CDKN2B-AS1: variants seen among roughly 807,000 people sequenced by gnomAD.
CDKN2B-AS1 encodes the protein CDKN2B antisense RNA 1 (non-protein coding).
intron 1 of CDKN2B-AS1, chr9:22,004,026 CCT>C (rs1821048892): frequency 4.3e-6 from 1 of 232,592 alleles, no homozygotes; most frequent in Non-Finnish European, 8.5e-6. Context: ...TATCTTGTAA[CCT>C]TTGGCAAGTT....
At chr9:22,113,116 A>G (rs1360717486) in intron 4 of CDKN2B-AS1, among the ~76,000 whole-genome samples, 1 of 152,228 alleles carries the variant, frequency 6.6e-6, no homozygotes, top group East Asian at 1.9e-4. Flanking sequence ...CCTGTGTGTC[A>G]GACCTCCAGG....
intron 1 of CDKN2B-AS1, chr9:22,029,668 T>C (rs1822387837): frequency 2.0e-6 from 1 of 498,744 alleles, no homozygotes; most frequent in Non-Finnish European, 3.6e-6. Context: ...AATGTTCTCT[T>C]CCAAATTTAA....
intron 4 of CDKN2B-AS1, among the ~76,000 whole-genome samples, chr9:22,085,053 C>A (rs749919378): frequency 2.6e-5 from 4 of 152,132 alleles, no homozygotes; most frequent in Non-Finnish European, 5.9e-5. Flanking sequence ...CATTTTTCCA[C>A]AGAGAACTCA....
chr9:22,032,120 A>G (rs10115049), intron 1 of CDKN2B-AS1, among the ~76,000 whole-genome samples: 71,036 of 151,986 alleles, frequency 0.47, 17,749 homozygotes, highest in East Asian at 0.68. Context: ...TATTCTCAGA[A>G]TTCATGGGTG....
intron 4 of CDKN2B-AS1, among the ~76,000 whole-genome samples, chr9:22,099,746 G>GT (rs1322530769): frequency 1.7e-5 from 2 of 121,164 alleles, no homozygotes; most frequent in African/African-American, 2.6e-5. Flanking sequence ...TAATTATTAA[G>GT]TAAAAAAAAG....
chr9:22,086,842 A>G (rs1824882734), intron 4 of CDKN2B-AS1, among the ~76,000 whole-genome samples: 1 of 152,352 alleles, frequency 6.6e-6, no homozygotes, highest in Admixed American at 6.5e-5. Context: ...TATTTTATCC[A>G]TATGGCCCAG....
intron 4 of CDKN2B-AS1, chr9:22,064,108 G>C (rs1823936220): frequency 1.3e-5 from 2 of 152,188 alleles, no homozygotes; most frequent in Non-Finnish European, 2.9e-5. Flanking sequence ...AACAGATTGA[G>C]GGTGTTGGGT....
Position 22,000,536 on chromosome 9 carries a change from G to A in CDKN2B-AS1, n.29+5375G>A, listed in dbSNP as rs913949001. ...GCAGGAGATTCTGAGAATGGTGAGA[G>A]GGTGCCTCTGTGCCCTAGGAAAGGT... On this transcript the variant is annotated intron_variant and non_coding_transcript_variant, in intron 1 of 4. Transcript: ENST00000650946. The surrounding 1 kb of genome is among the most constrained non-coding windows in gnomAD (Gnocchi z 4.1). Among the ~76,000 whole-genome samples the A allele has an allele frequency of 3.3e-5, 5 of 152,080 alleles. No homozygotes were observed. Among genetic ancestry groups the A allele is most frequent in the Non-Finnish European group, 5.9e-5 (4 of 67,996 alleles).
At chr9:22,017,645 C>T (rs926387176) in intron 1 of CDKN2B-AS1, among the ~76,000 whole-genome samples, 1 of 152,178 alleles carries the variant, frequency 6.6e-6, no homozygotes, top group African/African-American at 2.4e-5. Context: ...CTTGTCACAT[C>T]AGTAATGTAC....
chr9:22,103,651 TA>T (rs1392523382), intron 4 of CDKN2B-AS1, among the ~76,000 whole-genome samples: 3 of 152,196 alleles, frequency 2.0e-5, no homozygotes, highest in African/African-American at 7.2e-5. Flanking sequence ...ATTAAAGTTA[TA>T]AAAAGCATAG....
chr9:22,015,567 C>G (rs1241944245), intron 1 of CDKN2B-AS1, among the ~76,000 whole-genome samples: 3 of 152,028 alleles, frequency 2.0e-5, no homozygotes, highest in Admixed American at 6.5e-5. Context: ...AGACTGTCAT[C>G]TAAAAATATT....
intron 4 of CDKN2B-AS1, among the ~76,000 whole-genome samples, chr9:22,100,077 G>C (rs976539390): frequency 6.6e-6 from 1 of 152,100 alleles, no homozygotes; most frequent in Non-Finnish European, 1.5e-5. Flanking sequence ...TGACAGATTG[G>C]TTATGGGATA....
intron 4 of CDKN2B-AS1, among the ~76,000 whole-genome samples, chr9:22,085,399 C>G (rs1244342428): frequency 6.6e-6 from 1 of 152,184 alleles, no homozygotes; most frequent in Non-Finnish European, 1.5e-5. Context: ...ACATCTTGTT[C>G]TGGCCCCACA....
intron 1 of CDKN2B-AS1, among the ~76,000 whole-genome samples, chr9:22,036,097 G>A (rs1822677979): frequency 6.6e-6 from 1 of 152,124 alleles, no homozygotes; most frequent in South Asian, 2.1e-4. Context: ...TTATCATGAA[G>A]AATAAAGACA....
At chr9:22,100,497 C>G (rs759839077) in intron 4 of CDKN2B-AS1, among the ~76,000 whole-genome samples, 2 of 152,036 alleles carry the variant, frequency 1.3e-5, no homozygotes, top group African/African-American at 2.4e-5. Context: ...TACTTCATTC[C>G]TTTTTATTTG....
At position 22,039,900 on chromosome 9, in the gene CDKN2B-AS1, T is replaced by C. The variant is rs1236528782; in HGVS notation, n.30-6851T>C. Among the ~76,000 whole-genome samples, 1 of 152,036 alleles carries C rather than the reference T, an allele frequency of 6.6e-6. No individual in the cohort carries two copies. The highest frequency in any genetic ancestry group is 1.5e-5 in the Non-Finnish European group (1 of 67,960). On this transcript the variant is annotated intron_variant and non_coding_transcript_variant, in intron 1 of 4. Coordinates refer to ENST00000650946, the Ensembl canonical transcript of CDKN2B-AS1. This position sits in a 1 kb window ranked among gnomAD's most constrained non-coding sequence, Gnocchi z 4.4. ...ATAATTAGTTAAGATGCGATCTTAC[T>C]GACATAGGAGAAGCTCCTAATCATG...
chr9:22,099,150 T>C (rs1825393414), intron 4 of CDKN2B-AS1, among the ~76,000 whole-genome samples: 1 of 152,164 alleles, frequency 6.6e-6, no homozygotes, highest in Admixed American at 6.5e-5. Flanking sequence ...TCAAGTGTAT[T>C]CCAGGGAGAG....
At chr9:22,014,814 G>T (rs1053149034) in intron 1 of CDKN2B-AS1, among the ~76,000 whole-genome samples, 10 of 132,036 alleles carry the variant, frequency 7.6e-5, no homozygotes, top group Admixed American at 3.9e-4. Flanking sequence ...CTGTGTCCAT[G>T]TGTTCTCATT....
At chr9:22,024,424 A>T (rs756334024) in intron 1 of CDKN2B-AS1, among the ~76,000 whole-genome samples, 1 of 152,230 alleles carries the variant, frequency 6.6e-6, no homozygotes, top group African/African-American at 2.4e-5. Flanking sequence ...TGTGGGGAAC[A>T]GGAGGCTCCT....
Sources: gnomAD v4.1 joint callset for allele counts (sites outside exome capture counted in the v4.1 genomes callset) on GRCh38, gnomAD v4.1.1 for gene constraint, Gnocchi (gnomAD v3.1) non-coding constraint, MANE v1.5 for transcripts, NCBI Gene and HGNC (gene_info 2026-07-23, HGNC 2026-07-21) for gene names.